HSD11B1: variants seen among roughly 807,000 people sequenced by gnomAD.
HSD11B1 encodes the protein hydroxysteroid 11-beta dehydrogenase 1, also known as 11-beta-hydroxysteroid dehydrogenase 1.
Under a neutral mutation model 22.1 loss-of-function variants are expected in HSD11B1, and 15 were observed. The observed-to-expected ratio is 0.68, with a 90% CI of 0.45 to 1.04. The LOEUF (loss-of-function observed/expected upper bound fraction) is 1.04. Ranked by LOEUF, HSD11B1 falls within the 50% of genes least tolerant of loss-of-function variation. The pLI is 0.00. For synonymous variants in HSD11B1, 122 were observed against 125.2 expected (o/e 0.97, Z 0.17); for missense variants, 281 against 357.6 (o/e 0.79, Z 1.73).
At chr1:209,716,505 G>A (rs190569054) in intron 4 of HSD11B1, among the ~76,000 whole-genome samples, 46 of 151,800 alleles carry the variant, frequency 3.0e-4, no homozygotes, top group Admixed American at 1.3e-4. Context: ...AATACCAAGA[G>A]CAATCTATAG....
At chr1:209,687,491 A>G (rs1367235282) in intron 1 of HSD11B1, among the ~76,000 whole-genome samples, 1 of 152,238 alleles carries the variant, frequency 6.6e-6, no homozygotes, top group Non-Finnish European at 1.5e-5. Context: ...GAGTACAGCT[A>G]AAAGTTCTCT....
At chr1:209,704,514 C>T (rs2076844092), upstream of HSD11B1, among the ~76,000 whole-genome samples, 1 of 152,096 alleles carries the variant, frequency 6.6e-6, no homozygotes, top group Non-Finnish European at 1.5e-5. Flanking sequence ...TGCTATTACT[C>T]ACATTTCCCC....
upstream of HSD11B1, among the ~76,000 whole-genome samples, chr1:209,703,120 T>G (rs1047194648): frequency 3.3e-5 from 5 of 152,226 alleles, no homozygotes; most frequent in African/African-American, 1.2e-4. Flanking sequence ...CTCATTGTTA[T>G]TTTTGCTTTC....
intron 4 of HSD11B1, among the ~76,000 whole-genome samples, chr1:209,730,921 A>G (rs1012616935): frequency 1.3e-5 from 2 of 152,246 alleles, no homozygotes; most frequent in Non-Finnish European, 2.9e-5. Flanking sequence ...CCAAGAGCAG[A>G]TAGAAAATGG....
chr1:209,714,685 G>C (rs534910381), intron 4 of HSD11B1, among the ~76,000 whole-genome samples: 1 of 152,056 alleles, frequency 6.6e-6, no homozygotes, highest in Non-Finnish European at 1.5e-5. Flanking sequence ...ATGCATTGTC[G>C]AGCATTTTTT....
intron 1 of HSD11B1, 109 bp from the exon 2 acceptor site, chr1:209,705,702 C>A (rs999454618): frequency 2.2e-6 from 3 of 1,366,490 alleles, no homozygotes; most frequent in African/African-American, 1.4e-5. Context: ...GATCTGGGCT[C>A]ATAACCTTTA....
chr1:209,732,722 A>T (rs1571889678), intron 5 of HSD11B1, 143 bp downstream of exon 5: 1 of 710,300 alleles, frequency 1.4e-6, no homozygotes, highest in Non-Finnish European at 2.5e-6. Context: ...TACATTAGGT[A>T]TATCTCCTAA....
chr1:209,732,314 T>C, intron 4 of HSD11B1, 122 bp from the exon 5 acceptor site: 1 of 1,018,666 alleles, frequency 9.8e-7, no homozygotes, highest in African/African-American at 1.6e-5. Flanking sequence ...CCATGGGGAA[T>C]ATAGAGAAAC....
At chr1:209,696,023 A>C (rs957849894) in intron 1 of HSD11B1, among the ~76,000 whole-genome samples, 6 of 152,236 alleles carry the variant, frequency 3.9e-5, no homozygotes. Flanking sequence ...CATACAATGG[A>C]ATATGATTTG....
chr1:209,720,357 G>A (rs772513993), intron 4 of HSD11B1, among the ~76,000 whole-genome samples: 4 of 151,900 alleles, frequency 2.6e-5, no homozygotes, highest in Non-Finnish European at 4.4e-5. Context: ...AGGAAACACC[G>A]GATAAATCCA....
At position 209,719,689 on chromosome 1, in the gene HSD11B1, A is replaced by C. The variant is rs535166088; in HGVS notation, c.517+12561A>C. ...TCCTTGTGATGGTTTGCTGAGAATG[A>C]TGGTTTCCAGCTTCATCCAAGTCCC... is the stretch of plus-strand genomic sequence containing the variant. On this transcript the variant is annotated intron_variant, in intron 4 of 5. Transcript: ENST00000367027. 2.5e-3 allele frequency among the ~76,000 whole-genome samples: 374 copies of C among 152,290 alleles called. 5 individuals carry two copies. Among genetic ancestry groups the C allele is most frequent in the African/African-American group, 8.7e-3 (360 of 41,554 alleles).
chr1:209,695,027 A>G (rs986010172), intron 1 of HSD11B1, among the ~76,000 whole-genome samples: 1 of 152,182 alleles, frequency 6.6e-6, no homozygotes, highest in African/African-American at 2.4e-5. Context: ...GGGTTCCCCC[A>G]TAATCTCATC....
intron 1 of HSD11B1, among the ~76,000 whole-genome samples, chr1:209,699,264 T>C (rs922379273): frequency 1.3e-5 from 2 of 152,050 alleles, no homozygotes; most frequent in Admixed American, 1.3e-4. Context: ...TCTTATGCGT[T>C]ATTGTATTAG....
chr1:209,706,655 AC>A lies in HSD11B1; in HGVS notation c.220-48del. 2 of 1,167,856 alleles carry A rather than the reference AC, an allele frequency of 1.7e-6. No homozygotes were observed. Among genetic ancestry groups the A allele is most frequent in the South Asian group, 1.2e-5 (1 of 81,786 alleles). The allele number at this position is 1,167,856 out of a possible 1,614,324, so 72.3% of individuals were successfully genotyped here. A position where few individuals can be genotyped will look rare whatever the true frequency, so the allele number is the denominator to read the frequency against. On this transcript the variant is annotated intron_variant, in intron 2 of 5. Coordinates refer to ENST00000367027, the MANE Select transcript of HSD11B1 (RefSeq NM_005525.4). This position sits in a 1 kb window ranked among gnomAD's most constrained non-coding sequence, Gnocchi z 4.0. ...TAAGCCCCCCGTTACTTCAGAGACT[AC>A]CCCCCAAAAATCTGCAGCTAAGACT...
rs563828412 is a variant in HSD11B1, at chr1:209,707,935, A to G, written c.517+807A>G. 5.9e-5 allele frequency among the ~76,000 whole-genome samples: 9 copies of G among 152,332 alleles called. No individual in the cohort carries two copies. In the East Asian group the frequency reaches 1.7e-3, roughly 29 times the overall value. On this transcript the variant is annotated intron_variant, in intron 4 of 5. Transcript: ENST00000367027. ...ATAAAATGAACAACAAGAAAAAAAA[A>G]AAAGATGAACAGACCTGCCTATAGT...
intron 4 of HSD11B1, among the ~76,000 whole-genome samples, chr1:209,729,463 G>A (rs754579185): frequency 7.9e-5 from 12 of 151,896 alleles, no homozygotes; most frequent in Non-Finnish European, 1.5e-4. Context: ...GCAGCTCCAT[G>A]GTCACCCAGG....
chr1:209,704,229 T>C (rs952854735), upstream of HSD11B1, among the ~76,000 whole-genome samples: 2 of 152,208 alleles, frequency 1.3e-5, no homozygotes, highest in Non-Finnish European at 1.5e-5. Context: ...GTATGATCCA[T>C]TGCACTTGCC....
At chr1:209,717,587 G>A (rs1265523594) in intron 4 of HSD11B1, among the ~76,000 whole-genome samples, 2 of 152,150 alleles carry the variant, frequency 1.3e-5, no homozygotes, top group Admixed American at 1.3e-4. Flanking sequence ...CAGGTGAAAT[G>A]GATCATGCCT....
chr1:209,733,486 T>C (rs1471443546), intron 5 of HSD11B1, among the ~76,000 whole-genome samples: 1 of 152,068 alleles, frequency 6.6e-6, no homozygotes, highest in Non-Finnish European at 1.5e-5. Context: ...AAAAGAACAT[T>C]AGTGAAAAAA....
Sources: gnomAD v4.1 joint callset for allele counts (sites outside exome capture counted in the v4.1 genomes callset) on GRCh38, gnomAD v4.1.1 for gene constraint, Gnocchi (gnomAD v3.1) non-coding constraint, MANE v1.5 for transcripts, NCBI Gene and HGNC (gene_info 2026-07-23, HGNC 2026-07-21) for gene names.